The following ZFP57 variants were observed in gnomAD, a reference collection of about 807,000 sequenced individuals.
ZFP57 encodes ZFP57 zinc finger protein.
ZFP57 carries 12 observed loss-of-function variants against 15.8 expected under a neutral mutation model. The observed-to-expected ratio is 0.76, with a 90% CI of 0.49 to 1.23. The LOEUF is 1.23. Ranked by LOEUF, ZFP57 falls within the 50% of genes most tolerant of loss-of-function variation. ZFP57 has a pLI of 0.00. For missense variants in ZFP57, 536 were observed against 654.9 expected (o/e 0.82, Z 1.98); for synonymous variants, 203 against 242.3 (o/e 0.84, Z 1.51).
At chr6:29,680,621 G>C (rs365052) in intron 1 of ZFP57, among the ~76,000 whole-genome samples, 41,140 of 152,090 alleles carry the variant, frequency 0.27, 5,934 homozygotes, top group East Asian at 0.49. Context: ...TTTGTCATTG[G>C]GCGCCCAGAT....
chr6:29,673,712 A>G lies in ZFP57; in HGVS notation c.399T>C (p.Asp133=), dbSNP rs922250508. The G allele has an allele frequency of 9.3e-6, 15 of 1,612,970 alleles. No homozygotes were observed. The African/African-American group carries it at 9.3e-5, about 10-fold the overall frequency. ...ELREQHPSLR[D]EGTSDDKVFL... is the part of the protein sequence containing the mutation. ...AGACCTTGTCATCACTAGTCCCCTC[A>G]TCTCTCAGACTGGGATGTTGTTCTC... is the stretch of plus-strand genomic sequence containing the variant. Residue 133 remains aspartate, a synonymous_variant, in exon 5 of 5, where the codon GAT becomes GAC. Coordinates refer to ENST00000376883, the MANE Select transcript of ZFP57 (RefSeq NM_001109809.5). This position sits in a 1 kb window ranked among gnomAD's most constrained non-coding sequence, Gnocchi z 4.7.
chr6:29,676,492 C>T (rs531674407), intron 2 of ZFP57, among the ~76,000 whole-genome samples: 57 of 144,396 alleles, frequency 3.9e-4, no homozygotes, highest in Admixed American at 1.4e-3. Flanking sequence ...GCCAAGATCG[C>T]GCCACCGCAC....
At chr6:29,675,589 C>T in intron 3 of ZFP57, 102 bp from the exon 4 acceptor site, 1 of 983,276 alleles carries the variant, frequency 1.0e-6, no homozygotes, top group Non-Finnish European at 1.7e-6. Flanking sequence ...GTTTAAGAAC[C>T]ATAACCTGGG....
chr6:29,673,252 C>T lies in ZFP57; in HGVS notation c.859G>A (p.Val287Met). Residue 287 changes from valine (V) to methionine (M), a missense_variant, in exon 5 of 5, where the codon GTG becomes ATG. Val to Met is a conservative substitution (Grantham distance 21). Coordinates refer to ENST00000376883, the MANE Select transcript of ZFP57 (RefSeq NM_001109809.5). This position sits in a 1 kb window ranked among gnomAD's most constrained non-coding sequence, Gnocchi z 4.7. ...HQKIHQNQEP[V>M]DGNQECTLRI... is the part of the protein sequence containing the mutation. Reference sequence around the variant, plus strand: ...AAAGTACACTCCTGGTTTCCATCCACTGGCTCCTGGTTTTGGTGTATCTTC... The same window carrying T: ...AAAGTACACTCCTGGTTTCCATCCATTGGCTCCTGGTTTTGGTGTATCTTC... 6.2e-7 allele frequency: 1 copy of T among 1,613,114 alleles called. No individual in the cohort carries two copies. Among genetic ancestry groups the T allele is most frequent in the East Asian group, 2.2e-5 (1 of 44,878 alleles).
chr6:29,677,194 G>A lies in ZFP57; in HGVS notation c.-191C>T. On this transcript the variant is annotated 5_prime_UTR_variant, in exon 2 of 5. Coordinates refer to ENST00000376883, the MANE Select transcript of ZFP57 (RefSeq NM_001109809.5). ...CTCCAAGAGGCTGTCTTCCTTTTTT[G>A]TTCTGCTGTCCAAATTCTCCTCTTC... is the stretch of plus-strand genomic sequence containing the variant. 1 of 729,618 alleles carries A rather than the reference G, an allele frequency of 1.4e-6. No homozygotes were observed. Among genetic ancestry groups the A allele is most frequent in the Non-Finnish European group, 2.3e-6 (1 of 443,218 alleles). 45.2% of individuals were successfully genotyped at this position (729,618 alleles called of 1,614,324 possible). A position where few individuals can be genotyped will look rare whatever the true frequency, so the allele number is the denominator to read the frequency against.
In ZFP57 at chr6:29,672,979, G is replaced by T; in HGVS notation, c.1132C>A (p.Pro378Thr). The change falls in exon 5 of 5, where the codon CCC becomes ACC. Residue 378 changes from proline (P) to threonine (T), a missense_variant. Pro to Thr is a conservative substitution (Grantham distance 38). Transcript: ENST00000376883. ...CAACAGAAGACATTGAGTCTTGAGG[G>T]CTTCACTGGATGAGAGTTGGATCTG... ...DARSNSHPVK[P>T]SRLNVFCCPH... 6.2e-7 allele frequency: 1 copy of T among 1,613,070 alleles called. No individual in the cohort carries two copies. Among genetic ancestry groups the T allele is most frequent in the Non-Finnish European group, 8.5e-7 (1 of 1,180,034 alleles).
chr6:29,679,534 C>T (rs1207784114), intron 1 of ZFP57, among the ~76,000 whole-genome samples: 3 of 152,036 alleles, frequency 2.0e-5, no homozygotes, highest in Non-Finnish European at 2.9e-5. Context: ...ATTCGCACTC[C>T]TTTTATGAGG....
Position 29,675,982 on chromosome 6 carries a change from G to C in ZFP57, c.201C>G (p.Val67=). 6.2e-7 allele frequency: 1 copy of C among 1,613,422 alleles called. No individual in the cohort carries two copies. Among genetic ancestry groups the C allele is most frequent in the South Asian group, 1.1e-5 (1 of 91,086 alleles). Residue 67 remains valine (V), a synonymous_variant, in exon 3 of 5, where the codon GTC becomes GTG. Transcript: ENST00000376883. ...EWDCLDASQR[V]LYQDVMSETF... ...TTTCCGACATAACATCCTGGTAAAGGACCCTCTGGCTGGCATCTAGACAGT... is the reference window on the plus strand; with the variant it reads ...TTTCCGACATAACATCCTGGTAAAGCACCCTCTGGCTGGCATCTAGACAGT...
rs2535238 is a variant in ZFP57 at position 29,677,261 on chromosome 6, C to A, written c.-258G>T. Reference sequence around the variant, plus strand: ...TTTGCTTCCCTCAAAGCTGGGCCACCGAGTTCAGGGCCCTGGTCACCCTTG... The same window carrying A: ...TTTGCTTCCCTCAAAGCTGGGCCACAGAGTTCAGGGCCCTGGTCACCCTTG... On this transcript the variant is annotated 5_prime_UTR_variant, in exon 2 of 5. Coordinates refer to ENST00000376883, the MANE Select transcript of ZFP57 (RefSeq NM_001109809.5). 128,615 of 551,838 alleles carry A rather than the reference C, an allele frequency of 0.23. 16,000 individuals are homozygous for A. Among genetic ancestry groups the A allele is most frequent in the East Asian group, 0.34 (10,691 of 31,274 alleles). The allele number at this position is 551,838 out of a possible 1,614,324, so 34.2% of individuals were successfully genotyped here. A position where few individuals can be genotyped will look rare whatever the true frequency, so the allele number is the denominator to read the frequency against.
rs1583181344 is a variant in ZFP57, at chr6:29,677,265, T to C, written c.-262A>G. On this transcript the variant is annotated 5_prime_UTR_variant, in exon 2 of 5. Coordinates refer to ENST00000376883, the MANE Select transcript of ZFP57 (RefSeq NM_001109809.5). Reference sequence around the variant, plus strand: ...CTTCCCTCAAAGCTGGGCCACCGAGTTCAGGGCCCTGGTCACCCTTGGCTC... The same window carrying C: ...CTTCCCTCAAAGCTGGGCCACCGAGCTCAGGGCCCTGGTCACCCTTGGCTC... 8 of 542,318 alleles carry C rather than the reference T, an allele frequency of 1.5e-5. No homozygotes were observed. In the East Asian group the frequency reaches 2.6e-4, roughly 18 times the overall value. 33.6% of individuals were successfully genotyped at this position (542,318 alleles called of 1,614,324 possible).
Position 29,677,221 on chromosome 6 carries a change from A to C in ZFP57, c.-218T>G. On this transcript the variant is annotated 5_prime_UTR_variant, in exon 2 of 5. Coordinates refer to ENST00000376883, the MANE Select transcript of ZFP57 (RefSeq NM_001109809.5). ...TCTGCTGTCCAAATTCTCCTCTTCC[A>C]CAATTGAGAACAATTTTGCTTCCCT... is the stretch of plus-strand genomic sequence containing the variant. The C allele has an allele frequency of 1.6e-6, 1 of 629,438 alleles. No homozygotes were observed. Among genetic ancestry groups the C allele is most frequent in the Non-Finnish European group, 2.8e-6 (1 of 363,608 alleles). The allele number at this position is 629,438 out of a possible 1,614,324, so 39.0% of individuals were successfully genotyped here.
At chr6:29,674,888 C>T (rs1200439900) in intron 4 of ZFP57, among the ~76,000 whole-genome samples, 3 of 152,162 alleles carry the variant, frequency 2.0e-5, no homozygotes, top group African/African-American at 7.2e-5. Flanking sequence ...CACGGTGGCT[C>T]ATGCCTGTAA....
chr6:29,679,921 G>A (rs1290669985), intron 1 of ZFP57, among the ~76,000 whole-genome samples: 1 of 150,980 alleles, frequency 6.6e-6, no homozygotes, highest in African/African-American at 2.4e-5. Flanking sequence ...AAAAAAAAAC[G>A]CCTTAGTAAC....
At chr6:29,675,603 T>C in intron 3 of ZFP57, 116 bp from the exon 4 acceptor site, 2 of 893,754 alleles carry the variant, frequency 2.2e-6, no homozygotes, top group Non-Finnish European at 3.8e-6. Flanking sequence ...ACCTGGGACA[T>C]GTAGATGCGG....
chr6:29,676,080 CAAG>C, intron 2 of ZFP57, 21 bp from the exon 3 acceptor site: 1 of 1,490,576 alleles, frequency 6.7e-7, no homozygotes, highest in East Asian at 2.8e-5. Context: ...AGGAGAGACT[CAAG>C]AAGTTTATAT....
chr6:29,672,872 G>A lies in ZFP57; in HGVS notation c.1239C>T (p.Tyr413=). The change falls in exon 5 of 5, where the codon TAC becomes TAT. Residue 413 remains tyrosine (Y), a synonymous_variant. Coordinates refer to ENST00000376883, the MANE Select transcript of ZFP57 (RefSeq NM_001109809.5). The part of the protein sequence containing the change: ...QKAHLTEPPN[Y]CFHCSKSFSS... ...TGAAAGACTTGCTGCAATGGAAGCA[G>A]TAGTTGGGCGGCTCTGTGAGGTGGG... 6.2e-7 allele frequency: 1 copy of A among 1,613,114 alleles called. No homozygotes were observed. Among genetic ancestry groups the A allele is most frequent in the African/African-American group, 1.3e-5 (1 of 75,070 alleles).
intron 2 of ZFP57, among the ~76,000 whole-genome samples, chr6:29,676,505 C>T (rs1474821568): frequency 7.4e-6 from 1 of 134,866 alleles, no homozygotes; most frequent in Non-Finnish European, 1.5e-5. Flanking sequence ...CACCGCACTC[C>T]AGCCTGGGTG....
chr6:29,673,248 T>A lies in ZFP57; in HGVS notation c.863A>T (p.Asp288Val), dbSNP rs954556811. The A allele has an allele frequency of 1.2e-6, 2 of 1,612,916 alleles. No homozygotes were observed. Among genetic ancestry groups the A allele is most frequent in the Admixed American group, 3.3e-5 (2 of 60,004 alleles). ...QKIHQNQEPV[D>V]GNQECTLRIP... ...CCTCAAAGTACACTCCTGGTTTCCATCCACTGGCTCCTGGTTTTGGTGTAT... is the reference window on the plus strand; with the variant it reads ...CCTCAAAGTACACTCCTGGTTTCCAACCACTGGCTCCTGGTTTTGGTGTAT... Residue 288 changes from aspartate to valine, a missense_variant, in exon 5 of 5, where the codon GAT becomes GTT. Physicochemically the swap from Asp to Val is radical, Grantham distance 152 (BLOSUM62 -3). Transcript: ENST00000376883. The surrounding 1 kb of genome is among the most constrained non-coding windows in gnomAD (Gnocchi z 4.7).
Position 29,675,444 on chromosome 6 carries a change from C to G in ZFP57, c.294G>C (p.Glu98Asp). The change falls in exon 4 of 5, where the codon GAG (glutamate) becomes GAC (aspartate). Residue 98 changes from glutamate to aspartate, a missense_variant. By Grantham distance (45) the Glu-to-Asp change is conservative. Transcript: ENST00000376883. ...LHKPELITKL[E>D]QEEEQWREFV... ...ACTCTCTCCACTGTTCCTCTTCTTG[C>G]TCAAGCTTGGTGATTAGCTCTGGCT... 7 of 1,614,160 alleles carry G rather than the reference C, an allele frequency of 4.3e-6. No homozygotes were observed. The highest frequency in any genetic ancestry group is 5.9e-6 in the Non-Finnish European group (7 of 1,180,036).
Sources: allele counts gnomAD v4.1 joint callset (sites outside exome capture counted in the v4.1 genomes callset), GRCh38; gene constraint gnomAD v4.1.1; non-coding constraint Gnocchi (gnomAD v3.1); transcripts MANE v1.5; gene names NCBI Gene and HGNC (gene_info 2026-07-23, HGNC 2026-07-21).